Variants in ACSL1 observed in about 807,000 individuals in gnomAD.
ACSL1 encodes the protein long-chain-fatty-acid--CoA ligase 1.
Under a neutral mutation model 98.4 loss-of-function variants are expected in ACSL1, and 41 were observed. That is an observed-to-expected ratio of 0.42 (90% CI 0.32 to 0.54). The LOEUF is 0.54. Ranked by LOEUF, ACSL1 falls within the 20% of genes least tolerant of loss-of-function variation. ACSL1 has a pLI of 0.13. For synonymous variants in ACSL1, 316 were observed against 322.7 expected (o/e 0.98, Z 0.22); for missense variants, 734 against 883.1 (o/e 0.83, Z 2.14).
chr4:184,791,806 T>C (rs576799717), intron 2 of ACSL1, among the ~76,000 whole-genome samples: 2 of 151,798 alleles, frequency 1.3e-5, no homozygotes, highest in Admixed American at 1.3e-4. Flanking sequence ...ATTTAACAGG[T>C]AATGGGGTGT....
rs764121201 is a variant in ACSL1 at position 184,757,215 on chromosome 4, A to G, written c.2007T>C (p.Leu669=). 3 of 1,609,920 alleles carry G rather than the reference A, an allele frequency of 1.9e-6. No individual in the cohort carries two copies. Among genetic ancestry groups the G allele is most frequent in the Non-Finnish European group, 2.5e-6 (3 of 1,176,484 alleles). Residue 669 remains leucine (L), a synonymous_variant, in exon 21 of 21, where the codon CTT becomes CTC. Coordinates refer to ENST00000281455, the MANE Select transcript of ACSL1 (RefSeq NM_001995.5). The surrounding 1 kb of genome is among the most constrained non-coding windows in gnomAD (Gnocchi z 4.5). ...HPELFSIDNG[L]LTPTMKAKRP... ...TTTTCGCCTTCATTGTTGGAGTCAG[A>G]AGGCCATTGTCGATAGAAAATAATT...
intron 3 of ACSL1, among the ~76,000 whole-genome samples, chr4:184,785,681 T>G (rs1767163734): frequency 7.1e-6 from 1 of 140,332 alleles, no homozygotes; most frequent in African/African-American, 2.6e-5. Flanking sequence ...TCAAGAAGAC[T>G]GGACATACTT....
In ACSL1 at chr4:184,825,633, C is replaced by A. The variant is rs1773418475; in HGVS notation, c.-33+283G>T. On this transcript the variant is annotated intron_variant, in intron 1 of 20. Transcript: ENST00000281455. The surrounding 1 kb of genome is among the most constrained non-coding windows in gnomAD (Gnocchi z 4.7). ...ACACAAGGGTCGGTCCCGCGCGCATCCCCGGCCGCGCACCAGCCCCGCGCC... is the reference window on the plus strand; with the variant it reads ...ACACAAGGGTCGGTCCCGCGCGCATACCCGGCCGCGCACCAGCCCCGCGCC... 6.6e-6 allele frequency among the ~76,000 whole-genome samples: 1 copy of A among 150,602 alleles called. No homozygotes were observed. Among genetic ancestry groups the A allele is most frequent in the Non-Finnish European group, 1.5e-5 (1 of 67,434 alleles).
Position 184,766,677 on chromosome 4 carries a change from C to T in ACSL1, c.1208G>A (p.Ser403Asn). 20 of 1,614,182 alleles carry T rather than the reference C, an allele frequency of 1.2e-5. No individual in the cohort carries two copies. The highest frequency in any genetic ancestry group is 1.7e-5 in the Non-Finnish European group (20 of 1,180,020). The change falls in exon 13 of 21, where the codon AGC becomes AAC. Residue 403 changes from serine to asparagine, a missense_variant. Coordinates refer to ENST00000281455, the MANE Select transcript of ACSL1 (RefSeq NM_001995.5). This position sits in a 1 kb window ranked among gnomAD's most constrained non-coding sequence, Gnocchi z 4.8. ...CAGGCTGTTGTTTCTGATGATGCCG[C>T]TGCGAAGCTCTGCTTCTTTCCTCTT... is the stretch of plus-strand genomic sequence containing the variant. ...ASKRKEAELR[S>N]GIIRNNSLWD...
intron 2 of ACSL1, among the ~76,000 whole-genome samples, chr4:184,800,316 T>C (rs1770261359): frequency 6.6e-6 from 1 of 152,158 alleles, no homozygotes; most frequent in Admixed American, 6.5e-5. Context: ...GCCCCATCCC[T>C]CTTTTCCCTG....
In ACSL1 at chr4:184,757,802, A is replaced by G; in HGVS notation, c.1884+17T>C. ...CCAAGTTATGATGAGGACAGACTGG[A>G]CCCTTCAGAACCTTACCTTATTTCT... On this transcript the variant is annotated intron_variant, in intron 19 of 20. Transcript: ENST00000281455. This position sits in a 1 kb window ranked among gnomAD's most constrained non-coding sequence, Gnocchi z 4.5. 1 of 1,613,254 alleles carries G rather than the reference A, an allele frequency of 6.2e-7. No individual in the cohort carries two copies. Among genetic ancestry groups the G allele is most frequent in the Non-Finnish European group, 8.5e-7 (1 of 1,179,230 alleles).
intron 2 of ACSL1, among the ~76,000 whole-genome samples, chr4:184,789,090 GC>G (rs1218915782): frequency 6.6e-6 from 1 of 152,216 alleles, no homozygotes; most frequent in African/African-American, 2.4e-5. Context: ...CCTCTAGGCG[GC>G]CACCTGCGGA....
rs1017124058 is a variant in ACSL1, at chr4:184,825,635, C to A, written c.-33+281G>T. Among the ~76,000 whole-genome samples the A allele has an allele frequency of 1.7e-4, 26 of 150,692 alleles. No individual in the cohort carries two copies. Among genetic ancestry groups the A allele is most frequent in the African/African-American group, 6.3e-4 (26 of 41,378 alleles). On this transcript the variant is annotated intron_variant, in intron 1 of 20. Transcript: ENST00000281455. The surrounding 1 kb of genome is among the most constrained non-coding windows in gnomAD (Gnocchi z 4.7). ...ACAAGGGTCGGTCCCGCGCGCATCC[C>A]CGGCCGCGCACCAGCCCCGCGCCCG...
chr4:184,771,609 A>T (rs1764526069), intron 10 of ACSL1, among the ~76,000 whole-genome samples: 1 of 152,214 alleles, frequency 6.6e-6, no homozygotes, highest in African/African-American at 2.4e-5. Context: ...GGGCAGGCAC[A>T]GTGAGGGTTT....
intron 1 of ACSL1, among the ~76,000 whole-genome samples, chr4:184,807,693 A>G (rs1264134117): frequency 1.3e-5 from 2 of 152,224 alleles, no homozygotes; most frequent in Non-Finnish European, 2.9e-5. Context: ...CTTTGGATAG[A>G]ACTAAAAATG....
Position 184,765,985 on chromosome 4 carries a change from G to A in ACSL1, c.1265C>T (p.Ser422Leu), listed in dbSNP as rs1214558610. ...WDRLIFHKVQ[S>L]SLGGRVRLMV... is the part of the protein sequence containing the mutation. The stretch of plus-strand genomic sequence containing the variant: ...CAGCCGGACTCTTCCGCCCAGGCTC[G>A]ACTTTCAGGGAGGGAGAGTGGGAGA... The change falls in exon 14 of 21, where the codon TCG becomes TTG. Residue 422 changes from serine to leucine, a missense_variant and splice_region_variant. Transcript: ENST00000281455. 69 of 1,613,446 alleles carry A rather than the reference G, an allele frequency of 4.3e-5. No individual in the cohort carries two copies. In the Admixed American group the frequency reaches 7.0e-4, roughly 16 times the overall value.
At chr4:184,813,751 C>A in intron 1 of ACSL1, 1 of 430,628 alleles carries the variant, frequency 2.3e-6, no homozygotes, top group South Asian at 1.6e-5. Context: ...AAGCAAGAGA[C>A]CACACCAGGA....
intron 1 of ACSL1, among the ~76,000 whole-genome samples, chr4:184,820,444 G>T (rs912536711): frequency 6.6e-6 from 1 of 152,168 alleles, no homozygotes; most frequent in African/African-American, 2.4e-5. Context: ...CCTGAGCCAC[G>T]CTGAATCAAA....
At chr4:184,799,396 C>T (rs1233465232) in intron 2 of ACSL1, among the ~76,000 whole-genome samples, 1 of 152,064 alleles carries the variant, frequency 6.6e-6, no homozygotes, top group Non-Finnish European at 1.5e-5. Flanking sequence ...GGATTACAGG[C>T]GTCAGCCACT....
chr4:184,770,736 A>G (rs2150311267), intron 10 of ACSL1, among the ~76,000 whole-genome samples: 1 of 152,336 alleles, frequency 6.6e-6, no homozygotes, highest in Non-Finnish European at 1.5e-5. Flanking sequence ...AAAGACTCCG[A>G]GTAAACTTCC....
intron 3 of ACSL1, among the ~76,000 whole-genome samples, chr4:184,784,927 C>T (rs180789615): frequency 6.6e-5 from 10 of 152,326 alleles, no homozygotes; most frequent in African/African-American, 1.9e-4. Context: ...GTAACAAGCA[C>T]CATACAAGAT....
intron 1 of ACSL1, chr4:184,805,848 G>C (rs1226081688): frequency 6.6e-6 from 1 of 152,212 alleles, no homozygotes; most frequent in Non-Finnish European, 1.5e-5. Context: ...GCCAGGACCG[G>C]TTCTGAAAAC....
In ACSL1 at chr4:184,756,110, A is replaced by G. The variant is rs1363573492; in HGVS notation, c.*1015T>C. 2 of 152,318 alleles carry G rather than the reference A, an allele frequency of 1.3e-5. No homozygotes were observed. The highest frequency in any genetic ancestry group is 4.8e-5 in the African/African-American group (2 of 41,448). 9.4% of individuals were successfully genotyped at this position (152,318 alleles called of 1,614,324 possible). ...AAGTACTCAAGTATATACTCCCTTAATAGCTTTAAAGAAATGCTTGCCTGA... is the reference window on the plus strand; with the variant it reads ...AAGTACTCAAGTATATACTCCCTTAGTAGCTTTAAAGAAATGCTTGCCTGA... On this transcript the variant is annotated 3_prime_UTR_variant, in exon 21 of 21. Coordinates refer to ENST00000281455, the MANE Select transcript of ACSL1 (RefSeq NM_001995.5).
chr4:184,800,268 A>G (rs1015186805), intron 2 of ACSL1, among the ~76,000 whole-genome samples: 2 of 152,192 alleles, frequency 1.3e-5, no homozygotes, highest in Admixed American at 6.5e-5. Flanking sequence ...AACTTGCCCA[A>G]GGTTGCCTGG....
Sources: gnomAD v4.1 joint callset for allele counts (sites outside exome capture counted in the v4.1 genomes callset) on GRCh38, gnomAD v4.1.1 for gene constraint, Gnocchi (gnomAD v3.1) non-coding constraint, MANE v1.5 for transcripts, NCBI Gene and HGNC (gene_info 2026-07-23, HGNC 2026-07-21) for gene names.